The following SNIP1 variants were observed in gnomAD, a reference collection of about 807,000 sequenced individuals.
The protein encoded by SNIP1 is Smad nuclear interacting protein 1, also known as smad nuclear-interacting protein 1.
Under a neutral mutation model 37.4 loss-of-function variants are expected in SNIP1, and 23 were observed. The observed-to-expected ratio is 0.61, with a 90% CI of 0.44 to 0.87. SNIP1 has a LOEUF of 0.87. SNIP1 is among the 40% of genes least tolerant of loss of function. The pLI is 0.00. For synonymous variants in SNIP1, 174 were observed against 200.0 expected (o/e 0.87, Z 1.10); for missense variants, 459 against 540.4 (o/e 0.85, Z 1.49).
rs559379747 is a variant in SNIP1 at position 37,542,811 on chromosome 1, G to A, written c.328-2056C>T. Reference sequence around the variant, plus strand: ...AATGTCCAAGGGCCGGGCACAGTGGGTCACGCCTGTAATCCCAGCACTTTG... The same window carrying A: ...AATGTCCAAGGGCCGGGCACAGTGGATCACGCCTGTAATCCCAGCACTTTG... On this transcript the variant is annotated intron_variant, in intron 2 of 3. Coordinates refer to ENST00000296215, the MANE Select transcript of SNIP1 (RefSeq NM_024700.4). 6.0e-5 allele frequency among the ~76,000 whole-genome samples: 9 copies of A among 150,496 alleles called. 1 individual carries two copies. In the South Asian group the frequency reaches 1.9e-3, roughly 32 times the overall value.
rs370698062 is a variant in SNIP1 at position 37,540,719 on chromosome 1, G to A, written c.364C>T (p.Arg122Trp). The A allele has an allele frequency of 1.2e-6, 2 of 1,612,250 alleles. No individual in the cohort carries two copies. Among genetic ancestry groups the A allele is most frequent in the African/African-American group, 1.3e-5 (1 of 74,838 alleles). ...TGTTCTGATGGTTCCCTGTGCTGCC[G>A]ATCCTCCCGTCCTCTCCGGGGATGA... ...EDHPRRGRED[R>W]QHREPSEQEH... Residue 122 changes from arginine to tryptophan, a missense_variant, in exon 3 of 4, where the codon CGG becomes TGG. Coordinates refer to ENST00000296215, the MANE Select transcript of SNIP1 (RefSeq NM_024700.4). The surrounding 1 kb of genome is among the most constrained non-coding windows in gnomAD (Gnocchi z 5.6).
chr1:37,553,945 C>T, intron 1 of SNIP1, 61 bp downstream of exon 1: 1 of 1,520,114 alleles, frequency 6.6e-7, no homozygotes, highest in South Asian at 1.2e-5. Flanking sequence ...GGACGCTAGC[C>T]CTGCCCGCCT....
Position 37,554,046 on chromosome 1 carries a change from G to C in SNIP1, c.184C>G (p.Arg62Gly). 5.7e-6 allele frequency: 9 copies of C among 1,585,824 alleles called. No individual in the cohort carries two copies. Among genetic ancestry groups the C allele is most frequent in the Non-Finnish European group, 7.7e-6 (9 of 1,166,946 alleles). ...GCTCGGTTCCCGCGGTGGCCCGAGC[G>C]GGCCGGCTCGCTGGTCGGCGGAGAC... ...SPSPPTSEPA[R>G]SGHRGNRARG... Residue 62 changes from arginine (R) to glycine (G), a missense_variant, in exon 1 of 4, where the codon CGC becomes GGC. Coordinates refer to ENST00000296215, the MANE Select transcript of SNIP1 (RefSeq NM_024700.4).
Position 37,537,690 on chromosome 1 carries a change from GTCAA to G in SNIP1, c.*54_*57del, listed in dbSNP as rs1013345412. 3.2e-6 allele frequency: 5 copies of G among 1,563,186 alleles called. No homozygotes were observed. Among genetic ancestry groups the G allele is most frequent in the African/African-American group, 1.4e-5 (1 of 73,770 alleles). ...GACCCACCACCATAGTGCTCTCTGA[GTCAA>G]TCAAAGACTTCCAAGAAGGAAACCG... On this transcript the variant is annotated 3_prime_UTR_variant, in exon 4 of 4. Coordinates refer to ENST00000296215, the MANE Select transcript of SNIP1 (RefSeq NM_024700.4).
At chr1:37,541,063 C>T (rs1643168921) in intron 2 of SNIP1, 1 of 251,326 alleles carries the variant, frequency 4.0e-6, no homozygotes, top group Non-Finnish European at 7.6e-6. Context: ...CTTTTCAGAA[C>T]AAAGGTAACT....
At position 37,534,960 on chromosome 1, in the gene SNIP1, G is replaced by A. The variant is rs1643067890; in HGVS notation, c.*2788C>T. The A allele has an allele frequency of 6.6e-6, 1 of 151,520 alleles. No homozygotes were observed. Among genetic ancestry groups the A allele is most frequent in the Non-Finnish European group, 1.5e-5 (1 of 67,948 alleles). 9.4% of individuals were successfully genotyped at this position (151,520 alleles called of 1,614,324 possible). On this transcript the variant is annotated 3_prime_UTR_variant, in exon 4 of 4. Coordinates refer to ENST00000296215, the MANE Select transcript of SNIP1 (RefSeq NM_024700.4). ...CTTCTAAACAGAATGAAAGCTCTAG[G>A]ATTATGTCCACTTTAAGAAGTCTGC...
intron 3 of SNIP1, among the ~76,000 whole-genome samples, chr1:37,539,012 A>G (rs1418110796): frequency 6.6e-6 from 1 of 152,144 alleles, no homozygotes; most frequent in Non-Finnish European, 1.5e-5. Context: ...GGTGGGATCT[A>G]GGTTGCGCGC....
chr1:37,541,253 A>C (rs745435282), intron 2 of SNIP1: 1 of 152,476 alleles, frequency 6.6e-6, no homozygotes, highest in Non-Finnish European at 1.5e-5. Flanking sequence ...AAATAAACTT[A>C]AGAAACATGA....
At chr1:37,551,104 C>T (rs11264071) in intron 2 of SNIP1, among the ~76,000 whole-genome samples, 31,108 of 147,444 alleles carry the variant, frequency 0.21, 3,672 homozygotes, top group East Asian at 0.33. Flanking sequence ...CACACACACA[C>T]ACTGACACAC....
intron 3 of SNIP1, among the ~76,000 whole-genome samples, chr1:37,538,422 T>C (rs1433688952): frequency 2.1e-5 from 3 of 143,868 alleles, no homozygotes; most frequent in Non-Finnish European, 4.5e-5. Flanking sequence ...GGCACGAGAA[T>C]GGCGTGAACC....
At position 37,540,051 on chromosome 1, in the gene SNIP1, T is replaced by C. The variant is rs1643154007; in HGVS notation, c.926+106A>G. On this transcript the variant is annotated intron_variant, in intron 3 of 3. Coordinates refer to ENST00000296215, the MANE Select transcript of SNIP1 (RefSeq NM_024700.4). This position sits in a 1 kb window ranked among gnomAD's most constrained non-coding sequence, Gnocchi z 5.6. Reference sequence around the variant, plus strand: ...TTAACAATACTCTTTAGATAACATATGAGGGGTATGGGATTCTTCTGCATA... The same window carrying C: ...TTAACAATACTCTTTAGATAACATACGAGGGGTATGGGATTCTTCTGCATA... The C allele has an allele frequency of 3.4e-6, 3 of 889,276 alleles. No homozygotes were observed. The highest frequency in any genetic ancestry group is 1.7e-5 in the African/African-American group (1 of 59,680). The allele number at this position is 889,276 out of a possible 1,614,324, so 55.1% of individuals were successfully genotyped here. A position where few individuals can be genotyped will look rare whatever the true frequency, so the allele number is the denominator to read the frequency against.
At chr1:37,538,284 G>A (rs981230746) in intron 3 of SNIP1, among the ~76,000 whole-genome samples, 3 of 152,084 alleles carry the variant, frequency 2.0e-5, no homozygotes, top group Admixed American at 6.6e-5. Context: ...CGAGACGGGC[G>A]GATCACGAGG....
intron 2 of SNIP1, among the ~76,000 whole-genome samples, chr1:37,544,542 T>C (rs556831693): frequency 1.3e-5 from 2 of 152,306 alleles, no homozygotes; most frequent in South Asian, 4.1e-4. Context: ...TGTGTATTCT[T>C]GTTTCAAAAA....
chr1:37,546,923 A>C (rs184296156), intron 2 of SNIP1, among the ~76,000 whole-genome samples: 6 of 152,174 alleles, frequency 3.9e-5, no homozygotes, highest in South Asian at 2.1e-4. Flanking sequence ...ACTTCCTTCT[A>C]ATGGCTTCAA....
chr1:37,550,525 G>A (rs147275129), intron 2 of SNIP1, among the ~76,000 whole-genome samples: 1,513 of 151,090 alleles, frequency 0.01, 9 homozygotes, highest in Non-Finnish European at 0.015. Flanking sequence ...TGGTCAAAAT[G>A]ACGAAACCCC....
chr1:37,539,042 C>T (rs114908167), intron 3 of SNIP1, among the ~76,000 whole-genome samples: 1,536 of 152,188 alleles, frequency 0.01, 19 homozygotes, highest in Middle Eastern at 0.034. Context: ...GAATCTAATG[C>T]CTGATCTGTC....
At chr1:37,548,028 T>C (rs556437880) in intron 2 of SNIP1, among the ~76,000 whole-genome samples, 1 of 151,174 alleles carries the variant, frequency 6.6e-6, no homozygotes, top group Admixed American at 6.6e-5. Context: ...GGCGGGCGCC[T>C]GTAGTCCCAG....
intron 2 of SNIP1, among the ~76,000 whole-genome samples, chr1:37,547,923 G>C (rs1002330401): frequency 3.3e-5 from 5 of 151,780 alleles, no homozygotes; most frequent in African/African-American, 4.8e-5. Flanking sequence ...AAGGCAGGTG[G>C]ATTACGAGGT....
At chr1:37,541,502 A>C (rs1346793001) in intron 2 of SNIP1, 1 of 152,152 alleles carries the variant, frequency 6.6e-6, no homozygotes, top group Non-Finnish European at 1.5e-5. Flanking sequence ...GTCTCTACTA[A>C]AAATACAAAA....
Sources: gnomAD v4.1 joint callset for allele counts (sites outside exome capture counted in the v4.1 genomes callset) on GRCh38, gnomAD v4.1.1 for gene constraint, Gnocchi (gnomAD v3.1) non-coding constraint, MANE v1.5 for transcripts, NCBI Gene and HGNC (gene_info 2026-07-23, HGNC 2026-07-21) for gene names.